PES1: variants seen among roughly 807,000 people sequenced by gnomAD.
PES1 encodes pescadillo ribosomal biogenesis factor 1.
A neutral mutation model predicts 77.1 loss-of-function variants in PES1; 31 were observed. The ratio of observed to expected loss-of-function variants is 0.40; its 90% confidence interval spans 0.30 to 0.54. The LOEUF is 0.54. Ranked by LOEUF, PES1 falls within the 20% of genes least tolerant of loss-of-function variation. The probability of loss-of-function intolerance (pLI) is 0.45; values close to 1 mark genes in which losing one functional copy is unlikely to be tolerated. For synonymous variants in PES1, 282 were observed against 303.0 expected (o/e 0.93, Z 0.72); for missense variants, 658 against 771.7 (o/e 0.85, Z 1.75).
chr22:30,605,072 C>T (rs1778550866), intron 2 of PES1, among the ~76,000 whole-genome samples: 1 of 152,120 alleles, frequency 6.6e-6, no homozygotes, highest in Admixed American at 6.5e-5. Context: ...CAGCTCACTG[C>T]AACCTCAGCC....
At chr22:30,582,140 G>A (rs556112837) in intron 6 of PES1, among the ~76,000 whole-genome samples, 7 of 152,348 alleles carry the variant, frequency 4.6e-5, no homozygotes, top group Non-Finnish European at 7.3e-5. Flanking sequence ...TGCTCCCAGC[G>A]CTGTCTCTAG....
intron 14 of PES1, among the ~76,000 whole-genome samples, chr22:30,578,627 G>A (rs2086936083): frequency 6.6e-6 from 1 of 152,206 alleles, no homozygotes; most frequent in African/African-American, 2.4e-5. Context: ...AAGCCGTAAG[G>A]AAAGCCCAGG....
chr22:30,578,899 T>C lies in PES1; in HGVS notation c.1621A>G (p.Lys541Glu). 6.2e-7 allele frequency: 1 copy of C among 1,613,390 alleles called. No homozygotes were observed. Among genetic ancestry groups the C allele is most frequent in the Non-Finnish European group, 8.5e-7 (1 of 1,180,018 alleles). The stretch of plus-strand genomic sequence containing the variant: ...TGGTACAGGTACTTCTCCCGCTTCT[T>C]CATCATCATAATGGCCAGGCGCTTG... ...EAKRLAIMMMKKREKYLYQKI... is the reference protein window; with the variant it reads ...EAKRLAIMMMEKREKYLYQKI... The change falls in exon 14 of 15, where the codon AAG (lysine) becomes GAG (glutamate). Residue 541 changes from lysine (K) to glutamate (E), a missense_variant. Transcript: ENST00000354694.
rs774185715 is a variant in PES1 at position 30,579,223 on chromosome 22, C to T, written c.1435G>A (p.Glu479Lys). Residue 479 changes from glutamate (E) to lysine (K), a missense_variant, in exon 13 of 15, where the codon GAG becomes AAG. Glu to Lys is a moderately conservative substitution (Grantham distance 56). Transcript: ENST00000354694. ...GDGDEEGENEEEEEDAEAGSE... is the reference protein window; with the variant it reads ...GDGDEEGENEKEEEDAEAGSE... ...CCAGCCTCTGCATCTTCCTCCTCCTCCTCATTTTCTCCCTCTTCATCACCA... is the reference window on the plus strand; with the variant it reads ...CCAGCCTCTGCATCTTCCTCCTCCTTCTCATTTTCTCCCTCTTCATCACCA... The T allele has an allele frequency of 6.2e-7, 1 of 1,606,218 alleles. No homozygotes were observed. The highest frequency in any genetic ancestry group is 1.1e-5 in the South Asian group (1 of 91,022).
Position 30,581,005 on chromosome 22 carries a change from T to TG in PES1, c.912+6dup. On this transcript the variant is annotated splice_region_variant and intron_variant, in intron 9 of 14. Transcript: ENST00000354694. ...GCCCTCCTGCCAGAAGGCAGTGCAGTGCTCACCCCATCGGTGGGAAACTCA... is the reference window on the plus strand; with the variant it reads ...GCCCTCCTGCCAGAAGGCAGTGCAGTGGCTCACCCCATCGGTGGGAAACTCA... 1.2e-6 allele frequency: 2 copies of TG among 1,610,808 alleles called. No homozygotes were observed. Among genetic ancestry groups the TG allele is most frequent in the Non-Finnish European group, 1.7e-6 (2 of 1,177,994 alleles).
At chr22:30,601,354 G>A (rs1449693219) in intron 2 of PES1, among the ~76,000 whole-genome samples, 1 of 151,708 alleles carries the variant, frequency 6.6e-6, no homozygotes, top group African/African-American at 2.4e-5. Flanking sequence ...TCAGTCCGTC[G>A]CCCAGGCTGG....
intron 2 of PES1, among the ~76,000 whole-genome samples, chr22:30,597,523 T>C (rs917240966): frequency 6.6e-6 from 1 of 150,838 alleles, no homozygotes; most frequent in African/African-American, 2.4e-5. Context: ...CATTTATGTC[T>C]AGCTAAGGGA....
At position 30,584,736 on chromosome 22, in the gene PES1, AGCACATGGG is replaced by A; in HGVS notation, c.369-28_369-20del. On this transcript the variant is annotated intron_variant, in intron 4 of 14. Transcript: ENST00000354694. The stretch of plus-strand genomic sequence containing the variant: ...GGGATACCTGCATGGCCAGTGAGGC[AGCACATGGG>A]GCCTGTTCAGCGTGGGTGCCAAGGG... The A allele has an allele frequency of 1.2e-6, 2 of 1,612,478 alleles. No individual in the cohort carries two copies. Among genetic ancestry groups the A allele is most frequent in the Non-Finnish European group, 1.7e-6 (2 of 1,179,606 alleles).
Position 30,584,645 on chromosome 22 carries a change from G to C in PES1, c.441C>G (p.Phe147Leu). 2 of 1,614,028 alleles carry C rather than the reference G, an allele frequency of 1.2e-6. No individual in the cohort carries two copies. Among genetic ancestry groups the C allele is most frequent in the South Asian group, 2.2e-5 (2 of 91,086 alleles). Residue 147 changes from phenylalanine (F) to leucine (L), a missense_variant, in exon 5 of 15, where the codon TTC (phenylalanine) becomes TTG (leucine). By Grantham distance (22) the Phe-to-Leu change is conservative. Coordinates refer to ENST00000354694, the MANE Select transcript of PES1 (RefSeq NM_014303.4). ...ALSMCFLFSTFPRTGKCHVQT... is the reference protein window; with the variant it reads ...ALSMCFLFSTLPRTGKCHVQT... ...GCACGTGGCACTTGCCAGTCCGCGG[G>C]AAGGTGGAAAACAGGAAGCACATGG...
intron 2 of PES1, among the ~76,000 whole-genome samples, chr22:30,598,942 G>A (rs2087311771): frequency 1.1e-5 from 1 of 88,878 alleles, no homozygotes; most frequent in Non-Finnish European, 2.1e-5. Flanking sequence ...TGTCATCCAG[G>A]CTAGAGTGCA....
chr22:30,589,109 C>A (rs1569027030), intron 2 of PES1, 82 bp downstream of exon 2: 1 of 996,346 alleles, frequency 1.0e-6, no homozygotes, highest in East Asian at 2.5e-5. Flanking sequence ...ATGGGTATGG[C>A]AACTCAGGTA....
upstream of PES1, chr22:30,592,471 A>C: frequency 5.4e-6 from 5 of 921,534 alleles, no homozygotes; most frequent in Non-Finnish European, 6.5e-6. Flanking sequence ...ATATTTTCTG[A>C]GCCTTAGTGG....
intron 6 of PES1, 44 bp from the exon 7 acceptor site, chr22:30,581,688 G>A: frequency 4.4e-6 from 6 of 1,355,348 alleles, no homozygotes; most frequent in Admixed American, 1.7e-5. Flanking sequence ...GTGCAGGGAT[G>A]GGGGCAAAGG....
chr22:30,592,731 A>C (rs891783438), upstream of PES1, among the ~76,000 whole-genome samples: 3 of 152,252 alleles, frequency 2.0e-5, no homozygotes, highest in Non-Finnish European at 4.4e-5. Flanking sequence ...TGGGAGGCAG[A>C]GGTTGCAGTG....
chr22:30,585,128 G>C, intron 4 of PES1: 2 of 396,068 alleles, frequency 5.0e-6, no homozygotes, highest in Middle Eastern at 6.8e-4. Context: ...TGCCCTGGTG[G>C]AGCAGGGAGC....
upstream of PES1, chr22:30,592,315 G>C (rs1000170980): frequency 2.0e-6 from 2 of 991,230 alleles, no homozygotes; most frequent in Non-Finnish European, 2.4e-6. Flanking sequence ...CCGCTGCTGA[G>C]AAGCGGTTCC....
intron 2 of PES1, among the ~76,000 whole-genome samples, chr22:30,600,206 A>C (rs2087333962): frequency 6.7e-6 from 1 of 150,170 alleles, no homozygotes; most frequent in Admixed American, 6.6e-5. Flanking sequence ...TGGTGGCACA[A>C]GCCTATAGTC....
At chr22:30,597,124 C>T (rs922272750) in intron 2 of PES1, among the ~76,000 whole-genome samples, 2 of 152,166 alleles carry the variant, frequency 1.3e-5, no homozygotes, top group African/African-American at 4.8e-5. Flanking sequence ...GGACCTGCAG[C>T]CTGCCATGCC....
At chr22:30,603,271 C>T (rs1179970109) in intron 2 of PES1, among the ~76,000 whole-genome samples, 2 of 152,090 alleles carry the variant, frequency 1.3e-5, no homozygotes, top group African/African-American at 4.8e-5. Context: ...TACCAGTCAT[C>T]CAGTGACCAC....
Sources: gnomAD v4.1 joint callset for allele counts (sites outside exome capture counted in the v4.1 genomes callset) on GRCh38, gnomAD v4.1.1 for gene constraint, MANE v1.5 for transcripts, NCBI Gene and HGNC (gene_info 2026-07-23, HGNC 2026-07-21) for gene names.